Variants in CYP4X1 observed in about 807,000 individuals in gnomAD.
CYP4X1 encodes cytochrome P450 family 4 subfamily X member 1, also known as cytochrome P450 4X1.
In CYP4X1, 44 loss-of-function variants were observed where a neutral mutation model predicts 57.9. The ratio of observed to expected loss-of-function variants is 0.76; its 90% confidence interval spans 0.60 to 0.98. The LOEUF (loss-of-function observed/expected upper bound fraction) is 0.98. CYP4X1 is among the 50% of genes least tolerant of loss of function. The pLI is 0.00. For synonymous variants in CYP4X1, 227 were observed against 228.6 expected, an observed-to-expected ratio of 0.99 and a Z score of 0.06; for missense variants, 532 against 623.9, an observed-to-expected ratio of 0.85 and a Z score of 1.57.
chr1:47,030,601 A>AT (rs777112529), intron 2 of CYP4X1, among the ~76,000 whole-genome samples: 4 of 152,146 alleles, frequency 2.6e-5, no homozygotes, highest in Admixed American at 1.3e-4. Context: ...TCCTCTCCAC[A>AT]TATTTCTCAA....
chr1:47,054,139 C>A, downstream of CYP4X1, among the ~76,000 whole-genome samples: 1 of 151,482 alleles, frequency 6.6e-6, no homozygotes, highest in Non-Finnish European at 1.5e-5. Flanking sequence ...CTACATATGG[C>A]TAGCCAGTTT....
the CYP4X1 span, among the ~76,000 whole-genome samples, chr1:46,963,139 A>T: frequency 6.6e-6 from 1 of 152,006 alleles, no homozygotes; most frequent in Non-Finnish European, 1.5e-5. Context: ...TTTTGAGCCT[A>T]TGTGTGTCTC....
At chr1:46,968,859 C>T in the CYP4X1 span, among the ~76,000 whole-genome samples, 1 of 152,200 alleles carries the variant, frequency 6.6e-6, no homozygotes, top group African/African-American at 2.4e-5. Context: ...CCCTCAGACA[C>T]AGGCTTAATA....
At chr1:46,979,603 G>C in the CYP4X1 span, among the ~76,000 whole-genome samples, 1 of 152,136 alleles carries the variant, frequency 6.6e-6, no homozygotes, top group Non-Finnish European at 1.5e-5. Context: ...ACAAAAAAGA[G>C]GGAATCCTCC....
At chr1:47,028,808 A>G (rs1367943842) in intron 1 of CYP4X1, among the ~76,000 whole-genome samples, 1 of 152,212 alleles carries the variant, frequency 6.6e-6, no homozygotes, top group Admixed American at 6.5e-5. Context: ...GGTACGTGTG[A>G]TAGACAATAA....
chr1:46,969,133 C>T, the CYP4X1 span, among the ~76,000 whole-genome samples: 1 of 152,106 alleles, frequency 6.6e-6, no homozygotes, highest in African/African-American at 2.4e-5. Flanking sequence ...TGAGTGAGTG[C>T]TCAGTTTGTT....
At chr1:47,022,012 C>T (rs1159016676), upstream of CYP4X1, among the ~76,000 whole-genome samples, 4 of 152,180 alleles carry the variant, frequency 2.6e-5, no homozygotes, top group South Asian at 6.2e-4. Flanking sequence ...TGAGGGCCAT[C>T]ATACAACCAT....
intron 6 of CYP4X1, among the ~76,000 whole-genome samples, chr1:47,036,382 A>C (rs1644183618): frequency 6.7e-6 from 1 of 148,234 alleles, no homozygotes; most frequent in Non-Finnish European, 1.5e-5. Context: ...ATATATATAT[A>C]TATACACTAT....
upstream of CYP4X1, among the ~76,000 whole-genome samples, chr1:47,022,994 T>C (rs1257541693): frequency 6.6e-6 from 1 of 152,190 alleles, no homozygotes. Context: ...GTACTCGAGT[T>C]TATTTATGTT....
the CYP4X1 span, chr1:46,967,614 G>A: frequency 2.9e-6 from 1 of 345,590 alleles, no homozygotes; most frequent in East Asian, 4.9e-5. Context: ...AGCAGGATGT[G>A]GGCAGACAGG....
chr1:47,016,404 C>T, the CYP4X1 span, among the ~76,000 whole-genome samples: 1 of 151,054 alleles, frequency 6.6e-6, no homozygotes, highest in Non-Finnish European at 1.5e-5. Context: ...TGCAGTGGCG[C>T]TATCTTGGCT....
At chr1:46,968,094 C>T in the CYP4X1 span, among the ~76,000 whole-genome samples, 2 of 152,070 alleles carry the variant, frequency 1.3e-5, no homozygotes, top group Non-Finnish European at 2.9e-5. Flanking sequence ...TAGGAAGGGG[C>T]CCAGATGGGT....
At chr1:47,010,590 G>T in the CYP4X1 span, among the ~76,000 whole-genome samples, 1 of 152,152 alleles carries the variant, frequency 6.6e-6, no homozygotes, top group Non-Finnish European at 1.5e-5. Flanking sequence ...GAAATAAAGG[G>T]CATTCAATTA....
chr1:47,010,154 A>T, the CYP4X1 span, among the ~76,000 whole-genome samples: 1 of 151,974 alleles, frequency 6.6e-6, no homozygotes, highest in Admixed American at 6.5e-5. Context: ...TCGATGCAAA[A>T]ATCCTCAATA....
the CYP4X1 span, among the ~76,000 whole-genome samples, chr1:46,977,839 G>T: frequency 6.6e-6 from 1 of 152,014 alleles, no homozygotes; most frequent in Non-Finnish European, 1.5e-5. Context: ...TTAAAAAAAA[G>T]AATTTTCAAC....
At chr1:47,027,161 T>C (rs2148504903) in intron 1 of CYP4X1, among the ~76,000 whole-genome samples, 1 of 152,334 alleles carries the variant, frequency 6.6e-6, no homozygotes, top group African/African-American at 2.4e-5. Flanking sequence ...CATTCCCTCT[T>C]GACTGTCACT....
At chr1:47,042,301 G>A (rs2405580) in intron 8 of CYP4X1, among the ~76,000 whole-genome samples, 57,171 of 143,880 alleles carry the variant, frequency 0.4, 12,155 homozygotes, top group East Asian at 0.97. Context: ...TTTTTTTTTC[G>A]ATTACTGTGA....
At chr1:46,984,345 ACTAGTGTTTAACTCCTCC>A in the CYP4X1 span, among the ~76,000 whole-genome samples, 2 of 148,524 alleles carry the variant, frequency 1.3e-5, no homozygotes, top group Non-Finnish European at 3.0e-5. Flanking sequence ...CCACTGAAGA[ACTAGTGTTTAACTCCTCC>A]CTGCTCTGCC....
At chr1:46,990,414 C>T in the CYP4X1 span, among the ~76,000 whole-genome samples, 3 of 151,980 alleles carry the variant, frequency 2.0e-5, no homozygotes, top group Admixed American at 6.6e-5. Flanking sequence ...ATACTGGAGA[C>T]GATGCAGAGA....
Sources: gnomAD v4.1 joint callset for allele counts (sites outside exome capture counted in the v4.1 genomes callset) on GRCh38, gnomAD v4.1.1 for gene constraint, MANE v1.5 for transcripts, NCBI Gene and HGNC (gene_info 2026-07-23, HGNC 2026-07-21) for gene names.